ENPP6: variants seen among roughly 807,000 people sequenced by gnomAD.
ENPP6 encodes ectonucleotide pyrophosphatase/phosphodiesterase 6, also known as glycerophosphocholine cholinephosphodiesterase ENPP6.
ENPP6 carries 32 observed loss-of-function variants against 42.0 expected under a neutral mutation model. That is an observed-to-expected ratio of 0.76 (90% CI 0.58 to 1.02). The LOEUF (loss-of-function observed/expected upper bound fraction) is 1.02, where lower values mean the gene tolerates loss of function less well. Among genes scored for constraint, ENPP6 ranks in the 50% least tolerant of loss-of-function variants. ENPP6 has a pLI of 0.00. For synonymous variants in ENPP6, 213 were observed against 216.0 expected (o/e 0.99, Z 0.12); for missense variants, 552 against 566.8 (o/e 0.97, Z 0.27).
intron 2 of ENPP6, among the ~76,000 whole-genome samples, chr4:184,141,489 A>G (rs113404047): frequency 0.01 from 1,550 of 152,264 alleles, 22 homozygotes; most frequent in South Asian, 0.04. Flanking sequence ...TTAATCAGGG[A>G]CTTGGGGCAA....
chr4:184,194,960 C>G (rs767204175), intron 1 of ENPP6, among the ~76,000 whole-genome samples: 14 of 152,150 alleles, frequency 9.2e-5, no homozygotes, highest in Non-Finnish European at 1.6e-4. Flanking sequence ...CGCCCCACAC[C>G]TAACCAGCAG....
intron 2 of ENPP6, among the ~76,000 whole-genome samples, chr4:184,132,121 G>A (rs533033670): frequency 1.1e-3 from 164 of 152,122 alleles, no homozygotes; most frequent in Non-Finnish European, 1.9e-3. Flanking sequence ...CATTGGGGAG[G>A]GAAAAATACA....
chr4:184,159,285 C>A (rs1009207686), intron 1 of ENPP6, among the ~76,000 whole-genome samples: 1 of 152,148 alleles, frequency 6.6e-6, no homozygotes, highest in East Asian at 1.9e-4. Context: ...AGAGGGTCAG[C>A]GGGACCTGGA....
intron 4 of ENPP6, among the ~76,000 whole-genome samples, chr4:184,117,508 G>A (rs1736339885): frequency 6.6e-6 from 1 of 152,268 alleles, no homozygotes; most frequent in African/African-American, 2.4e-5. Context: ...CCACAGAGCT[G>A]GGTGTCTCTC....
chr4:184,114,979 A>G (rs1261195417), intron 5 of ENPP6, among the ~76,000 whole-genome samples: 3 of 152,102 alleles, frequency 2.0e-5, no homozygotes, highest in Non-Finnish European at 4.4e-5. Context: ...CATTCTGGGC[A>G]TCTGTGTTCC....
At chr4:184,205,392 G>A (rs1398112083) in intron 1 of ENPP6, among the ~76,000 whole-genome samples, 1 of 152,238 alleles carries the variant, frequency 6.6e-6, no homozygotes, top group Non-Finnish European at 1.5e-5. Flanking sequence ...ATGCAGCGAT[G>A]CCCAGCTTGG....
chr4:184,208,862 G>A (rs1579668295), intron 1 of ENPP6, among the ~76,000 whole-genome samples: 1 of 142,676 alleles, frequency 7.0e-6, no homozygotes, highest in Admixed American at 7.2e-5. Context: ...GAGAGCAGTG[G>A]TTCTCCCAGC....
intron 1 of ENPP6, among the ~76,000 whole-genome samples, chr4:184,193,931 C>T (rs749421900): frequency 7.9e-5 from 12 of 152,162 alleles, no homozygotes; most frequent in African/African-American, 1.9e-4. Context: ...TACTGACTTT[C>T]TTCTATTAGA....
chr4:184,124,615 A>T (rs994466540), intron 2 of ENPP6, among the ~76,000 whole-genome samples: 1 of 152,350 alleles, frequency 6.6e-6, no homozygotes, highest in South Asian at 2.1e-4. Context: ...TTTTTCATGA[A>T]TCTAAGTCTT....
chr4:184,199,668 G>C (rs553295981), intron 1 of ENPP6, among the ~76,000 whole-genome samples: 1 of 152,324 alleles, frequency 6.6e-6, no homozygotes, highest in East Asian at 1.9e-4. Context: ...ACTTCTGTCT[G>C]CTGCCGTCCA....
intron 2 of ENPP6, among the ~76,000 whole-genome samples, chr4:184,137,376 C>T (rs188175591): frequency 8.1e-4 from 124 of 152,356 alleles, no homozygotes; most frequent in African/African-American, 2.6e-3. Flanking sequence ...GGATTACAGG[C>T]GTGAGCCACT....
In ENPP6 at chr4:184,153,724, C is replaced by T. The variant is rs1737098173; in HGVS notation, c.251G>A (p.Cys84Tyr). The change falls in exon 2 of 8, where the codon TGT becomes TAT. Residue 84 changes from cysteine to tyrosine, a missense_variant. Cys to Tyr is a radical substitution (Grantham distance 194, BLOSUM62 -2). Transcript: ENST00000296741. ...NYYTLMTGRHCEVHQMIGNYM... is the reference protein window; with the variant it reads ...NYYTLMTGRHYEVHQMIGNYM... ...GTTCCCGATCATCTGATGGACTTCACAATGGCGGCCTATGTCAATGAGAAC... is the reference window on the plus strand; with the variant it reads ...GTTCCCGATCATCTGATGGACTTCATAATGGCGGCCTATGTCAATGAGAAC... 8.1e-6 allele frequency: 13 copies of T among 1,613,876 alleles called. No homozygotes were observed. Among genetic ancestry groups the T allele is most frequent in the Non-Finnish European group, 1.1e-5 (13 of 1,179,860 alleles).
At chr4:184,098,870 T>G (rs1735953968) in intron 6 of ENPP6, among the ~76,000 whole-genome samples, 1 of 152,202 alleles carries the variant, frequency 6.6e-6, no homozygotes, top group Admixed American at 6.5e-5. Context: ...AAATATTTAC[T>G]ATTTCAAATG....
intron 2 of ENPP6, among the ~76,000 whole-genome samples, chr4:184,141,766 A>AAAT (rs1319483745): frequency 6.6e-6 from 1 of 152,088 alleles, no homozygotes; most frequent in Admixed American, 6.5e-5. Context: ...CTTTTGTGCA[A>AAAT]AATAATAATA....
chr4:184,167,716 C>T (rs1332538769), intron 1 of ENPP6, among the ~76,000 whole-genome samples: 3 of 152,192 alleles, frequency 2.0e-5, no homozygotes, highest in Non-Finnish European at 4.4e-5. Context: ...TTCACGGCCT[C>T]GGGCCAGGTG....
intron 1 of ENPP6, among the ~76,000 whole-genome samples, chr4:184,215,715 G>A (rs1266460351): frequency 2.6e-5 from 4 of 152,180 alleles, no homozygotes; most frequent in Non-Finnish European, 5.9e-5. Flanking sequence ...TGAAAATACA[G>A]AGACTTAACA....
intron 2 of ENPP6, among the ~76,000 whole-genome samples, chr4:184,145,920 C>A (rs921747915): frequency 1.3e-4 from 20 of 152,114 alleles, no homozygotes; most frequent in Non-Finnish European, 2.4e-4. Context: ...TGGAACAAAG[C>A]AATCTGGCTG....
At chr4:184,130,016 G>C (rs4862317) in intron 2 of ENPP6, among the ~76,000 whole-genome samples, 103,422 of 152,064 alleles carry the variant, frequency 0.68, 35,497 homozygotes, top group African/African-American at 0.74. Flanking sequence ...CTCACTTCCT[G>C]AGGTCCCCTT....
At chr4:184,118,067 A>G (rs1376943102) in intron 3 of ENPP6, among the ~76,000 whole-genome samples, 167 bp from the exon 4 acceptor site, 1 of 152,220 alleles carries the variant, frequency 6.6e-6, no homozygotes, top group Non-Finnish European at 1.5e-5. Context: ...CCAAGGGAGA[A>G]GCACACACTG....
Sources: gnomAD v4.1 joint callset for allele counts (sites outside exome capture counted in the v4.1 genomes callset) on GRCh38, gnomAD v4.1.1 for gene constraint, MANE v1.5 for transcripts, NCBI Gene and HGNC (gene_info 2026-07-23, HGNC 2026-07-21) for gene names.